The following PDZRN3 variants were observed in gnomAD, a reference collection of about 807,000 sequenced individuals.
PDZRN3 encodes E3 ubiquitin-protein ligase PDZRN3.
Under a neutral mutation model 85.7 loss-of-function variants are expected in PDZRN3, and 38 were observed. That is an observed-to-expected ratio of 0.44 (90% confidence interval 0.34 to 0.58). The LOEUF (loss-of-function observed/expected upper bound fraction) is 0.58. PDZRN3 is among the 20% of genes least tolerant of loss of function. The pLI, the probability that PDZRN3 is intolerant of heterozygous loss-of-function variation, is 0.01. For missense variants in PDZRN3, 1,629 were observed against 1,506.4 expected (o/e 1.08, Z -1.35); for synonymous variants, 759 against 638.0 (o/e 1.19, Z -2.86).
At chr3:73,437,676 C>G (rs1702556791) in intron 3 of PDZRN3, among the ~76,000 whole-genome samples, 1 of 152,172 alleles carries the variant, frequency 6.6e-6, no homozygotes, top group South Asian at 2.1e-4. Context: ...GGAAAACACT[C>G]ATGCACCCAT....
At chr3:73,566,102 A>G (rs954276540) in intron 3 of PDZRN3, among the ~76,000 whole-genome samples, 3 of 152,236 alleles carry the variant, frequency 2.0e-5, no homozygotes, top group African/African-American at 7.2e-5. Flanking sequence ...CAGATGTGAC[A>G]TGATCATTGT....
intron 3 of PDZRN3, among the ~76,000 whole-genome samples, chr3:73,500,788 A>G (rs1703963008): frequency 1.3e-5 from 2 of 152,200 alleles, no homozygotes; most frequent in South Asian, 2.1e-4. Flanking sequence ...AATGCCTTCT[A>G]AAGAAACCTC....
chr3:73,456,679 G>C (rs558466665), intron 3 of PDZRN3, among the ~76,000 whole-genome samples: 1 of 152,100 alleles, frequency 6.6e-6, no homozygotes, highest in Non-Finnish European at 1.5e-5. Context: ...TAGGAATTAA[G>C]ATAAAAGGCA....
At chr3:73,533,448 A>C (rs936543655) in intron 3 of PDZRN3, among the ~76,000 whole-genome samples, 1 of 152,246 alleles carries the variant, frequency 6.6e-6, no homozygotes, top group African/African-American at 2.4e-5. Flanking sequence ...AGAATTTTAA[A>C]TCACATATCA....
At chr3:73,487,605 C>T (rs185387420) in intron 3 of PDZRN3, among the ~76,000 whole-genome samples, 3 of 152,308 alleles carry the variant, frequency 2.0e-5, no homozygotes, top group African/African-American at 4.8e-5. Flanking sequence ...AAGCTTTCTT[C>T]TCTGGCTAAA....
chr3:73,399,955 A>G (rs1380384679), intron 5 of PDZRN3, among the ~76,000 whole-genome samples: 1 of 152,226 alleles, frequency 6.6e-6, no homozygotes, highest in Non-Finnish European at 1.5e-5. Flanking sequence ...GTTGAGGAAC[A>G]TAGCTGTTTT....
intron 5 of PDZRN3, among the ~76,000 whole-genome samples, chr3:73,392,166 C>G (rs1397637994): frequency 1.3e-5 from 2 of 152,222 alleles, no homozygotes; most frequent in South Asian, 2.1e-4. Context: ...GGACACTTCC[C>G]AGGTGGAGCA....
chr3:73,565,820 C>G (rs1701937825), intron 3 of PDZRN3, among the ~76,000 whole-genome samples: 1 of 96,992 alleles, frequency 1.0e-5, no homozygotes, highest in Admixed American at 1.0e-4. Flanking sequence ...CACACACACA[C>G]ACACACACAC....
At chr3:73,513,199 C>T (rs1455437327) in intron 3 of PDZRN3, among the ~76,000 whole-genome samples, 1 of 152,118 alleles carries the variant, frequency 6.6e-6, no homozygotes, top group Non-Finnish European at 1.5e-5. Context: ...TGGGTCACTT[C>T]GAAGTACTGT....
At chr3:73,565,793 ACACACACACACACACACACACACAC>A (rs1701936602) in intron 3 of PDZRN3, among the ~76,000 whole-genome samples, 1 of 145,066 alleles carries the variant, frequency 6.9e-6, no homozygotes, top group Non-Finnish European at 1.5e-5. Flanking sequence ...CAAAACACAC[ACACACACACACACACACACACACAC>A]ACACACACAC....
intron 3 of PDZRN3, among the ~76,000 whole-genome samples, chr3:73,492,454 A>C (rs908424633): frequency 2.0e-5 from 3 of 152,172 alleles, no homozygotes; most frequent in African/African-American, 7.2e-5. Flanking sequence ...ATATGCTCTA[A>C]AAAATATGGG....
At chr3:73,455,884 A>C (rs1020606596) in intron 3 of PDZRN3, among the ~76,000 whole-genome samples, 4 of 152,200 alleles carry the variant, frequency 2.6e-5, no homozygotes, top group African/African-American at 9.6e-5. Flanking sequence ...GATTTGGGTA[A>C]TTCCATGTCC....
chr3:73,398,009 C>T (rs1021956836), intron 5 of PDZRN3, among the ~76,000 whole-genome samples: 1 of 152,116 alleles, frequency 6.6e-6, no homozygotes, highest in African/African-American at 2.4e-5. Flanking sequence ...TTTTGCATTT[C>T]TAGGGCCAAA....
At position 73,471,308 on chromosome 3, in the gene PDZRN3, C is replaced by G. The variant is rs547128898; in HGVS notation, c.919-66913G>C. ...GAAGAAGCAAAAAAAGGTCCCCCCC[C>G]AGGTTTCACAAGGAACGTGGCCCTG... On this transcript the variant is annotated intron_variant, in intron 3 of 9. Coordinates refer to ENST00000263666, the MANE Select transcript of PDZRN3 (RefSeq NM_015009.3). Among the ~76,000 whole-genome samples the G allele has an allele frequency of 8.4e-4, 128 of 152,284 alleles. 1 individual carries two copies. The highest frequency in any genetic ancestry group is 3.0e-3 in the African/African-American group (124 of 41,556).
intron 3 of PDZRN3, among the ~76,000 whole-genome samples, chr3:73,466,369 A>G (rs1322134825): frequency 6.6e-6 from 1 of 152,072 alleles, no homozygotes; most frequent in East Asian, 1.9e-4. Flanking sequence ...TGGGGCCTGC[A>G]AATCTGTGGT....
At chr3:73,493,260 T>C (rs947740997) in intron 3 of PDZRN3, among the ~76,000 whole-genome samples, 1 of 151,964 alleles carries the variant, frequency 6.6e-6, no homozygotes, top group Admixed American at 6.6e-5. Flanking sequence ...GAAAGCCCCA[T>C]GGAGTGGGGA....
At chr3:73,617,161 G>T (rs1449626082) in intron 1 of PDZRN3, among the ~76,000 whole-genome samples, 2 of 152,178 alleles carry the variant, frequency 1.3e-5, no homozygotes, top group Non-Finnish European at 2.9e-5. Flanking sequence ...TGATGCCAGG[G>T]GAAAAGCTCA....
At chr3:73,436,702 G>A (rs757522519) in intron 3 of PDZRN3, among the ~76,000 whole-genome samples, 7 of 152,060 alleles carry the variant, frequency 4.6e-5, no homozygotes, top group Non-Finnish European at 8.8e-5. Flanking sequence ...CTGTATTTCC[G>A]AGCAGTGGTT....
At chr3:73,478,322 A>G (rs28477238) in intron 3 of PDZRN3, among the ~76,000 whole-genome samples, 1,679 of 152,204 alleles carry the variant, frequency 0.011, 37 homozygotes, top group African/African-American at 0.038. Context: ...GTCTCCTGTC[A>G]GATCAGCAGC....
Sources: gnomAD v4.1 joint callset for allele counts (sites outside exome capture counted in the v4.1 genomes callset) on GRCh38, gnomAD v4.1.1 for gene constraint, MANE v1.5 for transcripts, NCBI Gene and HGNC (gene_info 2026-07-23, HGNC 2026-07-21) for gene names.